Variants in MESP1 observed in about 807,000 individuals in gnomAD.
The protein encoded by MESP1 is mesoderm posterior protein 1.
In MESP1, 22 loss-of-function variants were observed where a neutral mutation model predicts 15.2. The observed-to-expected ratio is 1.45, with a 90% CI of 1.04 to 2.07. The LOEUF is 2.07. Ranked by LOEUF, MESP1 falls within the 30% of genes most tolerant of loss-of-function variation. The pLI, the probability that MESP1 is intolerant of heterozygous loss-of-function variation, is 0.00. For missense variants in MESP1, 484 were observed against 411.9 expected, an observed-to-expected ratio of 1.17 and a Z score of -1.51; for synonymous variants, 216 against 192.6, an observed-to-expected ratio of 1.12 and a Z score of -1.01.
At chr15:89,738,249 G>A in the MESP1 span, 19 of 1,585,312 alleles carry the variant, frequency 1.2e-5, no homozygotes, top group Non-Finnish European at 1.6e-5. Context: ...AAAGAGCTCT[G>A]TGTCTTCACC....
the MESP1 span, among the ~76,000 whole-genome samples, chr15:89,739,482 C>A: frequency 6.6e-6 from 1 of 152,220 alleles, no homozygotes. Flanking sequence ...ATCCTGCAAG[C>A]ACTGTTTTCT....
chr15:89,743,167 G>A, the MESP1 span: 8 of 866,554 alleles, frequency 9.2e-6, no homozygotes, highest in Non-Finnish European at 1.5e-5. Context: ...AGGACACAGA[G>A]GCGATGCAGG....
Position 89,750,221 on chromosome 15 carries a change from G to T in MESP1, c.730C>A (p.Pro244Thr). 3.1e-6 allele frequency: 5 copies of T among 1,613,988 alleles called. No individual in the cohort carries two copies. The highest frequency in any genetic ancestry group is 4.2e-6 in the Non-Finnish European group (5 of 1,179,960). The change falls in exon 2 of 2, where the codon CCG becomes ACG. Residue 244 changes from proline to threonine, a missense_variant. Transcript: ENST00000300057. ...MEPSPPSPLL[P>T]GDVLALLETW... The stretch of plus-strand genomic sequence containing the variant: ...TCCAACAGAGCCAGCACGTCGCCCG[G>T]AAGGAGCTGTAGGGAGAGACGGAAC...
At chr15:89,742,405 C>T in the MESP1 span, among the ~76,000 whole-genome samples, 1 of 152,042 alleles carries the variant, frequency 6.6e-6, no homozygotes, top group African/African-American at 2.4e-5. Context: ...CTACCACAAC[C>T]CCACTGACAG....
rs1487177534 is a variant in MESP1, at chr15:89,750,090, G to A, written c.*54C>T. 8.5e-6 allele frequency: 13 copies of A among 1,532,972 alleles called. No individual in the cohort carries two copies. Among genetic ancestry groups the A allele is most frequent in the Admixed American group, 6.7e-5 (4 of 59,898 alleles). 95.0% of individuals were successfully genotyped at this position (1,532,972 alleles called of 1,614,324 possible). On this transcript the variant is annotated 3_prime_UTR_variant, in exon 2 of 2. Coordinates refer to ENST00000300057, the MANE Select transcript of MESP1 (RefSeq NM_018670.4). ...AGTCTGCCAAGGAACCACTTCGAAG[G>A]TGCTGAGGCCAAAAAGCCTCGGTGC...
In MESP1 at chr15:89,750,740, C is replaced by T; in HGVS notation, c.492G>A (p.Pro164=). The T allele has an allele frequency of 7.0e-7, 1 of 1,431,828 alleles. No homozygotes were observed. The highest frequency in any genetic ancestry group is 2.8e-5 in the Admixed American group (1 of 36,164). 88.7% of individuals were successfully genotyped at this position (1,431,828 alleles called of 1,614,324 possible). A position where few individuals can be genotyped will look rare whatever the true frequency, so the allele number is the denominator to read the frequency against. The change falls in exon 1 of 2, where the codon CCG becomes CCA. Residue 164 remains proline (P), a synonymous_variant. Transcript: ENST00000300057. ...GCGCGGGGCAGTCGTCGGGGCACAG[C>T]GGGCAGCCCCGAGGGGACCCCGCGT... ...RGDAGSPRGC[P]LCPDDCPAQM... is the part of the protein sequence containing the mutation.
At chr15:89,747,050 G>GCGCA (rs147675272), downstream of MESP1, among the ~76,000 whole-genome samples, 577 of 105,608 alleles carry the variant, frequency 5.5e-3, 12 homozygotes, top group African/African-American at 0.02. Context: ...ACATGCGCAT[G>GCGCA]CACACACACA....
chr15:89,738,084 C>T, the MESP1 span: 1 of 1,613,800 alleles, frequency 6.2e-7, no homozygotes, highest in South Asian at 1.1e-5. Context: ...ATGCTGGAAT[C>T]CAATATTCTG....
the MESP1 span, chr15:89,737,477 G>T: frequency 6.7e-7 from 1 of 1,497,748 alleles, no homozygotes. Flanking sequence ...ATGTCCAGCT[G>T]CTTCTCTCAT....
chr15:89,734,012 T>C, the MESP1 span, among the ~76,000 whole-genome samples: 2,497 of 151,712 alleles, frequency 0.016, 63 homozygotes, highest in African/African-American at 0.055. Flanking sequence ...TGTGTGTGTG[T>C]GCGCGCGCGC....
chr15:89,736,936 T>A, the MESP1 span, among the ~76,000 whole-genome samples: 2 of 151,922 alleles, frequency 1.3e-5, no homozygotes, highest in African/African-American at 2.4e-5. Context: ...GGACTACAGG[T>A]GCCCGCTAGC....
the MESP1 span, among the ~76,000 whole-genome samples, chr15:89,739,082 C>G: frequency 6.6e-6 from 1 of 150,472 alleles, no homozygotes; most frequent in Non-Finnish European, 1.5e-5. Context: ...TGCCATTGCA[C>G]TCCAGCCTGG....
At chr15:89,737,130 C>T in the MESP1 span, among the ~76,000 whole-genome samples, 3 of 152,114 alleles carry the variant, frequency 2.0e-5, no homozygotes. Flanking sequence ...TTAGTATGTT[C>T]ACTGCAGAGG....
chr15:89,748,292 G>A (rs1204078795), downstream of MESP1, among the ~76,000 whole-genome samples: 1 of 152,232 alleles, frequency 6.6e-6, no homozygotes, highest in Non-Finnish European at 1.5e-5. Context: ...GAGCAGGAAA[G>A]GGGGTGACCC....
the MESP1 span, chr15:89,743,524 C>G: frequency 1.3e-6 from 1 of 775,066 alleles, no homozygotes; most frequent in Non-Finnish European, 2.1e-6. Flanking sequence ...GGGGCCTCTG[C>G]AGAGCCAGCA....
the MESP1 span, among the ~76,000 whole-genome samples, chr15:89,744,394 A>C: frequency 2.6e-5 from 4 of 152,292 alleles, no homozygotes; most frequent in African/African-American, 9.6e-5. Flanking sequence ...AGCCGCCAAC[A>C]TACCTGTTGG....
chr15:89,750,312 G>A, intron 1 of MESP1, 85 bp from the exon 2 acceptor site: 6 of 1,570,488 alleles, frequency 3.8e-6, no homozygotes, highest in Non-Finnish European at 5.2e-6. Context: ...ACTCTCAGGG[G>A]GCCCCTAGCG....
At chr15:89,742,316 G>A in the MESP1 span, among the ~76,000 whole-genome samples, 7 of 151,944 alleles carry the variant, frequency 4.6e-5, no homozygotes, top group African/African-American at 1.7e-4. Context: ...CAAAGCTATG[G>A]TCATTGTCTT....
At chr15:89,736,410 AC>A in the MESP1 span, among the ~76,000 whole-genome samples, 2 of 152,122 alleles carry the variant, frequency 1.3e-5, no homozygotes, top group Non-Finnish European at 2.9e-5. Flanking sequence ...TTCCATGCTC[AC>A]CAGCCAGGTA....
Sources: allele counts gnomAD v4.1 joint callset (sites outside exome capture counted in the v4.1 genomes callset), GRCh38; gene constraint gnomAD v4.1.1; transcripts MANE v1.5; gene names NCBI Gene and HGNC (gene_info 2026-07-23, HGNC 2026-07-21).